The following LRRK2 variants were observed in gnomAD, a reference collection of about 807,000 sequenced individuals.
LRRK2 encodes leucine rich repeat kinase 2, also known as leucine-rich repeat serine/threonine-protein kinase 2.
In LRRK2, 203 loss-of-function variants were observed where a neutral mutation model predicts 302.6. The ratio of observed to expected loss-of-function variants is 0.67; its 90% confidence interval spans 0.60 to 0.75. The LOEUF is 0.75. Among genes scored for constraint, LRRK2 ranks in the 30% least tolerant of loss-of-function variants. The pLI is 0.00. For synonymous variants in LRRK2, 1,066 were observed against 1,031.9 expected, an observed-to-expected ratio of 1.03 and a Z score of -0.63; for missense variants, 2,830 against 2,951.0, an observed-to-expected ratio of 0.96 and a Z score of 0.95.
intron 19 of LRRK2, among the ~76,000 whole-genome samples, chr12:40,285,901 T>G (rs1007034943): frequency 3.9e-5 from 6 of 152,054 alleles, no homozygotes; most frequent in Non-Finnish European, 8.8e-5. Context: ...GAATATGAAA[T>G]AAAACCCTCC....
chr12:40,353,441 C>T (rs565933709), intron 44 of LRRK2, among the ~76,000 whole-genome samples: 27 of 150,790 alleles, frequency 1.8e-4, no homozygotes, highest in African/African-American at 2.9e-4. Flanking sequence ...CGGGCAGAGC[C>T]GCTCATCACT....
intron 42 of LRRK2, among the ~76,000 whole-genome samples, chr12:40,348,107 A>T (rs962437028): frequency 6.6e-6 from 1 of 152,246 alleles, no homozygotes; most frequent in Non-Finnish European, 1.5e-5. Flanking sequence ...GCTTTATTAT[A>T]TGAGTAAAAG....
At chr12:40,250,622 C>A (rs1286082805) in intron 8 of LRRK2, among the ~76,000 whole-genome samples, 1 of 152,216 alleles carries the variant, frequency 6.6e-6, no homozygotes, top group African/African-American at 2.4e-5. Flanking sequence ...TTAAGCCCAG[C>A]ATGCATTAGC....
chr12:40,337,568 T>C (rs1185015923), intron 40 of LRRK2, among the ~76,000 whole-genome samples: 2 of 152,184 alleles, frequency 1.3e-5, no homozygotes, highest in Non-Finnish European at 2.9e-5. Context: ...AGTATGCATT[T>C]GTCCACCAGG....
intron 20 of LRRK2, among the ~76,000 whole-genome samples, chr12:40,289,591 T>A (rs967315577): frequency 4.0e-5 from 6 of 150,008 alleles, no homozygotes; most frequent in Non-Finnish European, 8.9e-5. Flanking sequence ...TTGAGGGAAC[T>A]AATATATTAA....
chr12:40,275,005 A>C lies in LRRK2; in HGVS notation c.1941+12A>C. ...AAATACAGACTAAAGTATGTGCATT[A>C]TCTTGGAAAGAATTTGGGAACTTGT... is the stretch of plus-strand genomic sequence containing the variant. On this transcript the variant is annotated intron_variant, in intron 16 of 50. Transcript: ENST00000298910. 6.2e-7 allele frequency: 1 copy of C among 1,613,756 alleles called. No individual in the cohort carries two copies.
intron 43 of LRRK2, among the ~76,000 whole-genome samples, chr12:40,349,160 A>C (rs1302940603): frequency 6.6e-6 from 1 of 152,172 alleles, no homozygotes; most frequent in African/African-American, 2.4e-5. Context: ...TTGATTTACT[A>C]AATGGCTTCT....
intron 32 of LRRK2, 81 bp downstream of exon 32, chr12:40,314,254 C>A (rs1945134762): frequency 1.4e-6 from 2 of 1,395,670 alleles, no homozygotes; most frequent in East Asian, 4.8e-5. Context: ...ATAGAATTTA[C>A]ATTCAAAGTT....
Position 40,251,216 on chromosome 12 carries a change from T to C in LRRK2, c.959-16T>C. 1 of 1,472,524 alleles carries C rather than the reference T, an allele frequency of 6.8e-7. No individual in the cohort carries two copies. The highest frequency in any genetic ancestry group is 9.3e-7 in the Non-Finnish European group (1 of 1,076,404). 91.2% of individuals were successfully genotyped at this position (1,472,524 alleles called of 1,614,324 possible). On this transcript the variant is annotated splice_polypyrimidine_tract_variant and intron_variant, in intron 8 of 50. Coordinates refer to ENST00000298910, the MANE Select transcript of LRRK2 (RefSeq NM_198578.4). ...ATATATATAATGTTTTTATATATTT[T>C]TCAATTTTTTTCAAGCTGAGACTAT...
intron 45 of LRRK2, 82 bp downstream of exon 45, chr12:40,354,574 C>A: frequency 1.6e-6 from 2 of 1,247,300 alleles, no homozygotes; most frequent in Non-Finnish European, 1.2e-6. Flanking sequence ...ATTGCATCAG[C>A]AAAGATTGTT....
rs201810995 is a variant in LRRK2, at chr12:40,293,629, G to A, written c.2774G>A (p.Cys925Tyr). 2.2e-5 allele frequency: 35 copies of A among 1,611,352 alleles called. No homozygotes were observed. The East Asian group carries it at 7.2e-4, about 33-fold the overall frequency. The stretch of plus-strand genomic sequence containing the variant: ...TACCGAGATGCCGTATTACAGCGTT[G>A]CTCACCAAATTTGCAAAGACATTCC... ...EFYRDAVLQR[C>Y]SPNLQRHSNS... The change falls in exon 21 of 51, where the codon TGC becomes TAC. Residue 925 changes from cysteine to tyrosine, a missense_variant. By Grantham distance (194) the Cys-to-Tyr change is radical (BLOSUM62 -2). Coordinates refer to ENST00000298910, the MANE Select transcript of LRRK2 (RefSeq NM_198578.4).
Position 40,348,204 on chromosome 12 carries a change from A to C in LRRK2, c.6281-205A>C, listed in dbSNP as rs199606989. ...TTATTTGGGTCTCTTTTTATTCCATAAAAAAAAAATCTTTTCCACATCTCT... is the reference window on the plus strand; with the variant it reads ...TTATTTGGGTCTCTTTTTATTCCATCAAAAAAAAATCTTTTCCACATCTCT... On this transcript the variant is annotated intron_variant, in intron 42 of 50. Coordinates refer to ENST00000298910, the MANE Select transcript of LRRK2 (RefSeq NM_198578.4). Among the ~76,000 whole-genome samples the C allele has an allele frequency of 0.5, 75,439 of 151,402 alleles. 18,840 individuals are homozygous for C. Among genetic ancestry groups the C allele is most frequent in the South Asian group, 0.59 (2,842 of 4,806 alleles).
chr12:40,243,511 T>C (rs200782541), intron 6 of LRRK2, 39 bp from the exon 7 acceptor site: 18 of 1,605,666 alleles, frequency 1.1e-5, no homozygotes, highest in Non-Finnish European at 1.5e-5. Flanking sequence ...AAGGAGAACA[T>C]GGTTACCTTA....
At chr12:40,326,846 T>C (rs1225265001) in intron 38 of LRRK2, among the ~76,000 whole-genome samples, 3 of 152,186 alleles carry the variant, frequency 2.0e-5, no homozygotes, top group Admixed American at 6.5e-5. Flanking sequence ...CCAAGACTGA[T>C]AAGATGCAAA....
chr12:40,362,942 C>A (rs1170226976), intron 47 of LRRK2, among the ~76,000 whole-genome samples: 1 of 152,048 alleles, frequency 6.6e-6, no homozygotes, highest in Non-Finnish European at 1.5e-5. Context: ...TTTGAAGACA[C>A]TGCAACTAAA....
chr12:40,304,274 A>G (rs1944730264), intron 27 of LRRK2, 140 bp downstream of exon 27: 1 of 739,226 alleles, frequency 1.4e-6, no homozygotes, highest in Non-Finnish European at 2.2e-6. Flanking sequence ...CCTGTCAACT[A>G]TAAATCCAGA....
At chr12:40,322,249 A>G in intron 36 of LRRK2, 68 bp downstream of exon 36, 2 of 1,564,812 alleles carry the variant, frequency 1.3e-6, no homozygotes, top group Non-Finnish European at 1.7e-6. Flanking sequence ...AAAAAAAAAA[A>G]CTTTACCTTA....
intron 44 of LRRK2, among the ~76,000 whole-genome samples, chr12:40,353,351 C>T (rs1447159774): frequency 3.3e-5 from 5 of 151,192 alleles, no homozygotes; most frequent in East Asian, 2.0e-4. Context: ...GACAGGGTTG[C>T]GGCCGGGCAT....
chr12:40,240,533 T>C lies in LRRK2; in HGVS notation c.622T>C (p.Leu208=). Residue 208 remains leucine, a synonymous_variant, in exon 6 of 51, where the codon TTG becomes CTG. Coordinates refer to ENST00000298910, the MANE Select transcript of LRRK2 (RefSeq NM_198578.4). ...EFVENKDYMI[L]LSALTNFKDE... ...TGTTGAGAACAAAGATTATATGATA[T>C]TGTTAAGTGCGTTAACAAATTTTAA... The C allele has an allele frequency of 6.2e-7, 1 of 1,613,332 alleles. No homozygotes were observed. Among genetic ancestry groups the C allele is most frequent in the Non-Finnish European group, 8.5e-7 (1 of 1,179,540 alleles).
Sources: gnomAD v4.1 joint callset for allele counts (sites outside exome capture counted in the v4.1 genomes callset) on GRCh38, gnomAD v4.1.1 for gene constraint, MANE v1.5 for transcripts, NCBI Gene and HGNC (gene_info 2026-07-23, HGNC 2026-07-21) for gene names.